SLC8A1: variants seen among roughly 807,000 people sequenced by gnomAD.
SLC8A1 encodes the protein sodium/calcium exchanger 1.
In SLC8A1, 18 loss-of-function variants were observed where a neutral mutation model predicts 68.3. The observed-to-expected ratio is 0.26, with a 90% CI of 0.18 to 0.39. The LOEUF (loss-of-function observed/expected upper bound fraction) is 0.39. SLC8A1 is among the 10% of genes least tolerant of loss of function. The pLI, the probability that SLC8A1 is intolerant of heterozygous loss-of-function variation, is 1.00. For missense variants in SLC8A1, 985 were observed against 1,156.7 expected (o/e 0.85, Z 2.15); for synonymous variants, 475 against 415.5 (o/e 1.14, Z -1.74).
At chr2:40,484,805 G>A (rs865829139) in intron 1 of SLC8A1, among the ~76,000 whole-genome samples, 5 of 152,184 alleles carry the variant, frequency 3.3e-5, no homozygotes, top group Admixed American at 6.5e-5. Context: ...ACACAGAGGA[G>A]CTGGTGGAGG....
At position 40,189,398 on chromosome 2, in the gene SLC8A1, G is replaced by A. The variant is rs140461060; in HGVS notation, c.1809-11543C>T. ...TGCAGTGGTGCAATCTCGGCTCACT[G>A]TAACCTCTGCCTCTCAGGTTCAAGT... On this transcript the variant is annotated intron_variant, in intron 2 of 7. Transcript: ENST00000406785. Among the ~76,000 whole-genome samples the A allele has an allele frequency of 5.4e-4, 82 of 152,316 alleles. 1 individual carries two copies. In the East Asian group the frequency reaches 0.013, roughly 25 times the overall value.
intron 2 of SLC8A1, among the ~76,000 whole-genome samples, chr2:40,246,427 T>C (rs1327986524): frequency 6.6e-6 from 1 of 152,256 alleles, no homozygotes; most frequent in Non-Finnish European, 1.5e-5. Context: ...TATGGTTCAC[T>C]GTAAATGCTT....
chr2:40,275,123 G>A (rs2066532230), intron 2 of SLC8A1, among the ~76,000 whole-genome samples: 1 of 152,168 alleles, frequency 6.6e-6, no homozygotes, highest in Non-Finnish European at 1.5e-5. Context: ...AGAATTGTAT[G>A]CTCACATTTT....
At chr2:40,257,531 A>T (rs2149079186) in intron 2 of SLC8A1, among the ~76,000 whole-genome samples, 1 of 152,144 alleles carries the variant, frequency 6.6e-6, no homozygotes, top group African/African-American at 2.4e-5. Flanking sequence ...GATTACAGAG[A>T]TAGCTATTAT....
At chr2:40,391,123 A>G (rs908761090) in intron 2 of SLC8A1, among the ~76,000 whole-genome samples, 3 of 150,826 alleles carry the variant, frequency 2.0e-5, no homozygotes, top group Admixed American at 6.6e-5. Flanking sequence ...CTTCCTGTTG[A>G]GCATTCTATT....
At chr2:40,145,022 T>C (rs2042192586) in intron 6 of SLC8A1, among the ~76,000 whole-genome samples, 1 of 152,202 alleles carries the variant, frequency 6.6e-6, no homozygotes, top group South Asian at 2.1e-4. Flanking sequence ...AACATGTGCA[T>C]CCTTCCTATC....
chr2:40,242,500 T>C (rs1046857705), intron 2 of SLC8A1, among the ~76,000 whole-genome samples: 1 of 152,170 alleles, frequency 6.6e-6, no homozygotes, highest in Non-Finnish European at 1.5e-5. Context: ...ATTATAAATC[T>C]CCATCCACTA....
At chr2:40,330,131 C>T (rs2076265295) in intron 2 of SLC8A1, among the ~76,000 whole-genome samples, 2 of 152,158 alleles carry the variant, frequency 1.3e-5, no homozygotes, top group South Asian at 4.1e-4. Flanking sequence ...AATGGACTAT[C>T]CTACGCTATT....
At chr2:40,444,074 T>C (rs146783489) in intron 1 of SLC8A1, among the ~76,000 whole-genome samples, 2 of 152,116 alleles carry the variant, frequency 1.3e-5, no homozygotes, top group Non-Finnish European at 2.9e-5. Context: ...CAGTAGCTCA[T>C]GACTATAATC....
At chr2:40,130,256 T>C (rs2039057266) in intron 7 of SLC8A1, among the ~76,000 whole-genome samples, 1 of 152,238 alleles carries the variant, frequency 6.6e-6, no homozygotes, top group South Asian at 2.1e-4. Context: ...TAGTATACGA[T>C]AACAGGCAGT....
intron 1 of SLC8A1, among the ~76,000 whole-genome samples, chr2:40,458,532 A>C (rs1449991876): frequency 2.0e-5 from 3 of 152,136 alleles, no homozygotes; most frequent in Non-Finnish European, 4.4e-5. Context: ...ATTGCAACTT[A>C]ATAGCAATCA....
Position 40,478,154 on chromosome 2 carries a change from C to G in SLC8A1, c.-25+34195G>C, listed in dbSNP as rs1297779917. Among the ~76,000 whole-genome samples, 7 of 152,212 alleles carry G rather than the reference C, an allele frequency of 4.6e-5. No homozygotes were observed. The East Asian group carries it at 1.2e-3, about 25-fold the overall frequency. On this transcript the variant is annotated intron_variant, in intron 1 of 7. Coordinates refer to the SLC8A1 transcript ENST00000402441. The stretch of plus-strand genomic sequence containing the variant: ...CTGAAAATACTCAGCTATGCCTTGG[C>G]TGGGGATGATAAAACCCTTGTTCAC...
intron 2 of SLC8A1, among the ~76,000 whole-genome samples, chr2:40,302,673 C>T (rs567455895): frequency 6.6e-6 from 1 of 151,728 alleles, no homozygotes; most frequent in Non-Finnish European, 1.5e-5. Flanking sequence ...TATGTTTTTG[C>T]AGTTGCAAAT....
chr2:40,292,152 A>G (rs551972696), intron 2 of SLC8A1, among the ~76,000 whole-genome samples: 2 of 152,262 alleles, frequency 1.3e-5, no homozygotes, highest in South Asian at 4.1e-4. Context: ...AAACTAAACC[A>G]TGAGACCAAT....
chr2:40,206,012 A>G (rs1379325485), intron 2 of SLC8A1, among the ~76,000 whole-genome samples: 1 of 152,010 alleles, frequency 6.6e-6, no homozygotes, highest in Non-Finnish European at 1.5e-5. Flanking sequence ...TGAAAATAAA[A>G]TATATTTAAT....
At chr2:40,268,856 AC>A (rs1246311658) in intron 2 of SLC8A1, among the ~76,000 whole-genome samples, 1 of 152,170 alleles carries the variant, frequency 6.6e-6, no homozygotes, top group Non-Finnish European at 1.5e-5. Flanking sequence ...TCCCCAAAGG[AC>A]AAAGTGTGGA....
intron 1 of SLC8A1, among the ~76,000 whole-genome samples, chr2:40,482,133 AGCG>A (rs1704669316): frequency 1.3e-5 from 2 of 152,182 alleles, no homozygotes; most frequent in African/African-American, 4.8e-5. Context: ...CAAACTTTTA[AGCG>A]TGCAATAAGA....
At chr2:40,250,105 A>C (rs1477074895) in intron 2 of SLC8A1, among the ~76,000 whole-genome samples, 1 of 152,212 alleles carries the variant, frequency 6.6e-6, no homozygotes. Context: ...AAATTGTTAA[A>C]GGGGACATTG....
At chr2:40,228,796 C>T (rs182221873) in intron 2 of SLC8A1, among the ~76,000 whole-genome samples, 66 of 152,210 alleles carry the variant, frequency 4.3e-4, no homozygotes, top group Admixed American at 2.8e-3. Flanking sequence ...ACTTGATCAC[C>T]AATCCAAGGT....
Sources: allele counts gnomAD v4.1 joint callset (sites outside exome capture counted in the v4.1 genomes callset), GRCh38; gene constraint gnomAD v4.1.1; transcripts MANE v1.5; gene names NCBI Gene and HGNC (gene_info 2026-07-23, HGNC 2026-07-21).